The following OOEP variants were observed in gnomAD, a reference collection of about 807,000 sequenced individuals.
The protein encoded by OOEP is oocyte-expressed protein homolog.
OOEP carries 16 observed loss-of-function variants against 13.7 expected under a neutral mutation model. The observed-to-expected ratio is 1.16, with a 90% confidence interval of 0.79 to 1.77. OOEP has a LOEUF of 1.77. Ranked by LOEUF, OOEP falls within the 40% of genes most tolerant of loss-of-function variation. The pLI is 0.00. For synonymous variants in OOEP, 89 were observed against 77.1 expected, an observed-to-expected ratio of 1.15 and a Z score of -0.81; for missense variants, 195 against 193.1, an observed-to-expected ratio of 1.01 and a Z score of -0.06.
chr6:73,388,309 A>G (rs1351347094), intron 2 of OOEP, among the ~76,000 whole-genome samples: 1 of 5,514 alleles, frequency 1.8e-4, no homozygotes, highest in Non-Finnish European at 9.8e-3. Flanking sequence ...GTCTAACAAC[A>G]TGGATGTTTA....
upstream of OOEP, chr6:73,370,215 A>T (rs541101125): frequency 5.5e-6 from 1 of 180,216 alleles, no homozygotes; most frequent in African/African-American, 2.3e-5. Flanking sequence ...TTGCCTCCCA[A>T]AGATAGGTAT....
At chr6:73,395,062 G>A (rs776222017) in exon 1 of OOEP, 6 of 1,613,226 alleles carry the variant, frequency 3.7e-6, no homozygotes, top group South Asian at 1.1e-5. Flanking sequence ...TCGCTGGAGA[G>A]GCACCTCTAG....
chr6:73,371,788 G>A (rs1039145968), upstream of OOEP, among the ~76,000 whole-genome samples: 2 of 151,594 alleles, frequency 1.3e-5, no homozygotes, highest in African/African-American at 4.8e-5. Context: ...AATTTGGCCA[G>A]TGTGTGGTGG....
chr6:73,395,025 T>C (rs1372851550), exon 1 of OOEP: 1 of 1,614,106 alleles, frequency 6.2e-7, no homozygotes, highest in Non-Finnish European at 8.5e-7. Flanking sequence ...GAACAGGTCC[T>C]GAGGGATATA....
At position 73,368,764 on chromosome 6, in the gene OOEP, C is replaced by A. The variant is rs566377423; in HGVS notation, c.*20G>T. The A allele has an allele frequency of 2.5e-5, 38 of 1,547,724 alleles. 1 individual carries two copies. The South Asian group carries it at 4.2e-4, about 17-fold the overall frequency. ...CAAAAGTTAGAAAGTTAAGATGTTC[C>A]CAACAGTAACTATGTTGTCTTAAGC... On this transcript the variant is annotated 3_prime_UTR_variant, in exon 3 of 3. Transcript: ENST00000370359.
rs930807 is a variant in OOEP at position 73,395,070 on chromosome 6, T to G, written c.-470A>C. 20,284 of 1,613,550 alleles carry G rather than the reference T, an allele frequency of 0.013. 1,723 individuals are homozygous for G. The Admixed American group carries it at 0.19, about 15-fold the overall frequency. ...GAGGTGGTCGCTGGAGAGGCACCTC[T>G]AGGCCCCCGGAGGCCGTGGCCGCTG... On this transcript the variant is annotated 5_prime_UTR_variant, in exon 1 of 4. Transcript: ENST00000370363.
chr6:73,381,205 T>TAAA (rs66507015), intron 2 of OOEP, among the ~76,000 whole-genome samples: 8 of 100,958 alleles, frequency 7.9e-5, no homozygotes, highest in Admixed American at 1.1e-4. Context: ...AAAAAAGTGT[T>TAAA]AAAAAAAAAA....
At chr6:73,392,653 T>C (rs902762957) in intron 2 of OOEP, among the ~76,000 whole-genome samples, 1 of 99,882 alleles carries the variant, frequency 1.0e-5, no homozygotes, top group Non-Finnish European at 1.8e-5. Flanking sequence ...TTTTTTGAGA[T>C]GGAGTCTCTC....
intron 2 of OOEP, among the ~76,000 whole-genome samples, chr6:73,381,589 G>A (rs978937865): frequency 4.6e-5 from 7 of 152,204 alleles, no homozygotes; most frequent in African/African-American, 1.7e-4. Context: ...TAGGACTAAA[G>A]GTAAGCATGG....
upstream of OOEP, chr6:73,370,112 C>T: frequency 2.8e-6 from 1 of 360,272 alleles, no homozygotes; most frequent in Non-Finnish European, 5.1e-6. Flanking sequence ...AGTCCTCTGC[C>T]CACCTTATAG....
chr6:73,377,880 G>A lies in OOEP; in HGVS notation c.26-8495C>T, dbSNP rs563986723. Among the ~76,000 whole-genome samples, 4 of 152,178 alleles carry A rather than the reference G, an allele frequency of 2.6e-5. No homozygotes were observed. In the East Asian group the frequency reaches 7.7e-4, roughly 29 times the overall value. On this transcript the variant is annotated intron_variant, in intron 2 of 3. Coordinates refer to the OOEP transcript ENST00000370363. ...TGTAGAAACAAGTTCTTGCTATGTT[G>A]CCAAGGTTGGTCTTGAACTCTTGGC... is the stretch of plus-strand genomic sequence containing the variant.
chr6:73,394,998 G>A lies in OOEP; in HGVS notation c.-398C>T, dbSNP rs3734515. 4.4e-4 allele frequency: 707 copies of A among 1,614,268 alleles called. 6 individuals are homozygous for A. In the East Asian group the frequency reaches 8.5e-3, roughly 19 times the overall value. The stretch of plus-strand genomic sequence containing the variant: ...TGTCCCGAGCGCCAGAGAGGAGGCC[G>A]GCGGAGGAGTTGAATCGAACAGGTC... On this transcript the variant is annotated 5_prime_UTR_variant, in exon 1 of 4. Coordinates refer to the OOEP transcript ENST00000370363.
intron 2 of OOEP, among the ~76,000 whole-genome samples, chr6:73,388,027 G>A (rs1442507656): frequency 2.0e-5 from 3 of 152,054 alleles, no homozygotes; most frequent in Non-Finnish European, 4.4e-5. Flanking sequence ...ACAGGCATGC[G>A]GCACCACACC....
chr6:73,395,031 A>C, exon 1 of OOEP: 1 of 1,614,200 alleles, frequency 6.2e-7, no homozygotes, highest in Admixed American at 1.7e-5. Flanking sequence ...GTCCTGAGGG[A>C]TATAGTGTCG....
chr6:73,370,068 G>C, upstream of OOEP: 1 of 471,860 alleles, frequency 2.1e-6, no homozygotes, highest in South Asian at 2.7e-5. Context: ...GCTCTCCTTC[G>C]TCATCTCTGC....
At chr6:73,389,199 C>T (rs1582630404) in intron 2 of OOEP, among the ~76,000 whole-genome samples, 1 of 152,194 alleles carries the variant, frequency 6.6e-6, no homozygotes, top group African/African-American at 2.4e-5. Flanking sequence ...CAGGGCTTCC[C>T]TCCTGAGGTT....
At chr6:73,372,908 CTTTTTTTTT>C (rs371058661), upstream of OOEP, among the ~76,000 whole-genome samples, 3 of 134,520 alleles carry the variant, frequency 2.2e-5, no homozygotes, top group African/African-American at 5.4e-5. Flanking sequence ...TTTTTCTTTC[CTTTTTTTTT>C]TTTTTTTTTT....
At chr6:73,377,885 G>A (rs961832176) in intron 2 of OOEP, among the ~76,000 whole-genome samples, 1 of 152,128 alleles carries the variant, frequency 6.6e-6, no homozygotes, top group Non-Finnish European at 1.5e-5. Flanking sequence ...ATGTTGCCAA[G>A]GTTGGTCTTG....
rs546239402 is a variant in OOEP, at chr6:73,382,128, G to C, written c.25+12218C>G. On this transcript the variant is annotated intron_variant, in intron 2 of 3. Coordinates refer to the OOEP transcript ENST00000370363. ...AGTGGTGTGATCATGGCTCACTGCAGCCTTAACCTCCCAGGCTCAAGTGAT... is the reference window on the plus strand; with the variant it reads ...AGTGGTGTGATCATGGCTCACTGCACCCTTAACCTCCCAGGCTCAAGTGAT... 3.3e-5 allele frequency among the ~76,000 whole-genome samples: 5 copies of C among 151,936 alleles called. No individual in the cohort carries two copies. In the South Asian group the frequency reaches 1.0e-3, roughly 32 times the overall value.
Sources: allele counts gnomAD v4.1 joint callset (sites outside exome capture counted in the v4.1 genomes callset), GRCh38; gene constraint gnomAD v4.1.1; transcripts MANE v1.5; gene names NCBI Gene and HGNC (gene_info 2026-07-23, HGNC 2026-07-21).